Variants in STXBP5L observed in about 807,000 individuals in gnomAD.
STXBP5L encodes syntaxin binding protein 5L, also known as syntaxin-binding protein 5-like.
Under a neutral mutation model 144.5 loss-of-function variants are expected in STXBP5L, and 65 were observed. The ratio of observed to expected loss-of-function variants is 0.45; its 90% CI spans 0.37 to 0.55. STXBP5L has a LOEUF of 0.55. STXBP5L is among the 20% of genes least tolerant of loss of function. The pLI is 0.00. For synonymous variants in STXBP5L, 505 were observed against 469.6 expected (o/e 1.08, Z -0.97); for missense variants, 1,298 against 1,405.5 (o/e 0.92, Z 1.22).
intron 22 of STXBP5L, among the ~76,000 whole-genome samples, chr3:121,384,743 A>G (rs1235236678): frequency 6.6e-6 from 1 of 152,064 alleles, no homozygotes; most frequent in African/African-American, 2.4e-5. Context: ...AGATCTAGTT[A>G]TTAAATTTTA....
intron 5 of STXBP5L, among the ~76,000 whole-genome samples, chr3:121,052,011 C>A (rs1264791703): frequency 6.6e-6 from 1 of 152,188 alleles, no homozygotes; most frequent in Non-Finnish European, 1.5e-5. Context: ...GACACATACA[C>A]CCTCCCAAGA....
At chr3:120,974,836 A>T (rs1173461715) in intron 3 of STXBP5L, among the ~76,000 whole-genome samples, 1 of 152,148 alleles carries the variant, frequency 6.6e-6, no homozygotes, top group African/African-American at 2.4e-5. Flanking sequence ...CAGGTTTGTC[A>T]AAGATCAGAT....
At chr3:121,017,058 A>T (rs187834370) in intron 3 of STXBP5L, among the ~76,000 whole-genome samples, 1 of 152,194 alleles carries the variant, frequency 6.6e-6, no homozygotes, top group Non-Finnish European at 1.5e-5. Context: ...AGCAAATCAA[A>T]TCCAACAATG....
chr3:121,312,925 T>G (rs1056424295), intron 19 of STXBP5L, among the ~76,000 whole-genome samples: 1 of 152,194 alleles, frequency 6.6e-6, no homozygotes, highest in Admixed American at 6.5e-5. Flanking sequence ...CGCCTTTCTA[T>G]TCCACAAAAC....
chr3:121,111,340 T>C (rs1017550011), intron 5 of STXBP5L, among the ~76,000 whole-genome samples: 11 of 152,204 alleles, frequency 7.2e-5, no homozygotes, highest in Non-Finnish European at 1.2e-4. Context: ...GTGTTCAGTG[T>C]TTTTTCATTG....
chr3:121,134,106 T>G (rs2045128125), intron 7 of STXBP5L, among the ~76,000 whole-genome samples: 1 of 152,156 alleles, frequency 6.6e-6, no homozygotes, highest in Non-Finnish European at 1.5e-5. Flanking sequence ...AAGGAATTTA[T>G]TTATTACATT....
intron 20 of STXBP5L, among the ~76,000 whole-genome samples, chr3:121,322,488 A>AG (rs2044004718): frequency 6.6e-6 from 1 of 151,742 alleles, no homozygotes; most frequent in African/African-American, 2.4e-5. Context: ...AAAAAAAAAA[A>AG]AAAAAGACAT....
chr3:121,034,988 T>A (rs1268767300), intron 3 of STXBP5L, among the ~76,000 whole-genome samples: 13 of 152,174 alleles, frequency 8.5e-5, no homozygotes, highest in Non-Finnish European at 1.8e-4. Context: ...GCATTTTTTA[T>A]ATACTTGTTG....
chr3:121,077,254 G>A (rs1050912693), intron 5 of STXBP5L, among the ~76,000 whole-genome samples: 12 of 152,208 alleles, frequency 7.9e-5, no homozygotes, highest in African/African-American at 2.9e-4. Context: ...CCCCAGAAAT[G>A]TTACGGGGCA....
chr3:121,005,125 G>A (rs902848881), intron 3 of STXBP5L, among the ~76,000 whole-genome samples: 1 of 152,194 alleles, frequency 6.6e-6, no homozygotes, highest in Admixed American at 6.5e-5. Context: ...CAGAAGGAAT[G>A]TTACCAGCTC....
At chr3:120,970,434 C>T (rs1174952655) in intron 3 of STXBP5L, among the ~76,000 whole-genome samples, 1 of 152,056 alleles carries the variant, frequency 6.6e-6, no homozygotes, top group African/African-American at 2.4e-5. Flanking sequence ...TTAAATGATA[C>T]TTTTGCTGGG....
rs2046413397 is a variant in STXBP5L, at chr3:121,385,758, T to G, written c.2587+4226T>G. Among the ~76,000 whole-genome samples the G allele has an allele frequency of 2.0e-5, 3 of 152,162 alleles. No individual in the cohort carries two copies. The South Asian group carries it at 6.2e-4, about 31-fold the overall frequency. On this transcript the variant is annotated intron_variant, in intron 22 of 26. Coordinates refer to ENST00000471454, the MANE Select transcript of STXBP5L (RefSeq NM_001308330.2). ...TTTTCACTTTTGGACCTACCCTGTCTACTCTAGAGTTGTCCCAGCCTTACT... is the reference window on the plus strand; with the variant it reads ...TTTTCACTTTTGGACCTACCCTGTCGACTCTAGAGTTGTCCCAGCCTTACT...
chr3:121,363,610 C>T (rs969435562), intron 20 of STXBP5L, among the ~76,000 whole-genome samples: 1 of 151,248 alleles, frequency 6.6e-6, no homozygotes, highest in Admixed American at 6.6e-5. Flanking sequence ...ACTCTACACA[C>T]CACATCACCA....
intron 9 of STXBP5L, among the ~76,000 whole-genome samples, chr3:121,194,860 A>G (rs979209428): frequency 2.8e-5 from 4 of 142,920 alleles, no homozygotes; most frequent in Admixed American, 2.1e-4. Context: ...TATTAATAAT[A>G]CTCCATTACA....
chr3:120,990,057 C>G (rs752804296), intron 3 of STXBP5L, among the ~76,000 whole-genome samples: 5 of 152,092 alleles, frequency 3.3e-5, no homozygotes, highest in African/African-American at 1.2e-4. Context: ...ATCCAGAAAA[C>G]CCCATTGTCT....
chr3:121,074,040 C>T (rs2041918754), intron 5 of STXBP5L, among the ~76,000 whole-genome samples: 1 of 152,188 alleles, frequency 6.6e-6, no homozygotes, highest in Non-Finnish European at 1.5e-5. Flanking sequence ...GCCAACAATA[C>T]ATCATCCATG....
intron 3 of STXBP5L, among the ~76,000 whole-genome samples, chr3:121,027,098 T>A (rs1401206101): frequency 1.3e-5 from 2 of 151,928 alleles, no homozygotes; most frequent in African/African-American, 4.8e-5. Flanking sequence ...TGTGTATATA[T>A]GTATATATAT....
chr3:121,087,813 AT>A (rs1390409767), intron 5 of STXBP5L, among the ~76,000 whole-genome samples: 1 of 151,708 alleles, frequency 6.6e-6, no homozygotes, highest in African/African-American at 2.4e-5. Context: ...TTATTAGTTA[AT>A]TTTAGTGTAT....
At chr3:120,957,131 C>A (rs1387124168) in intron 3 of STXBP5L, among the ~76,000 whole-genome samples, 2 of 151,886 alleles carry the variant, frequency 1.3e-5, no homozygotes, top group Non-Finnish European at 1.5e-5. Context: ...TTTGATCATA[C>A]ATGTTAGGGT....
Sources: gnomAD v4.1 joint callset for allele counts (sites outside exome capture counted in the v4.1 genomes callset) on GRCh38, gnomAD v4.1.1 for gene constraint, MANE v1.5 for transcripts, NCBI Gene and HGNC (gene_info 2026-07-23, HGNC 2026-07-21) for gene names.